CTNNA1: variants seen among roughly 807,000 people sequenced by gnomAD.
CTNNA1 encodes catenin alpha-1.
In CTNNA1, 37 loss-of-function variants were observed where a neutral mutation model predicts 98.4. The observed-to-expected ratio is 0.38, with a 90% confidence interval of 0.29 to 0.49. The LOEUF (loss-of-function observed/expected upper bound fraction) is 0.49. Among genes scored for constraint, CTNNA1 ranks in the 20% least tolerant of loss-of-function variants. CTNNA1 has a pLI of 0.95. For synonymous variants in CTNNA1, 404 were observed against 413.2 expected (o/e 0.98, Z 0.27); for missense variants, 761 against 1,147.2 (o/e 0.66, Z 4.86).
intron 9 of CTNNA1, among the ~76,000 whole-genome samples, chr5:138,903,409 T>G (rs1758519841): frequency 6.6e-6 from 1 of 152,226 alleles, no homozygotes; most frequent in Non-Finnish European, 1.5e-5. Flanking sequence ...CCTACGCCTT[T>G]ATCATTCATA....
chr5:138,798,771 A>G (rs1374816249), intron 3 of CTNNA1, among the ~76,000 whole-genome samples: 1 of 152,162 alleles, frequency 6.6e-6, no homozygotes, highest in Non-Finnish European at 1.5e-5. Flanking sequence ...CAGATGGTAC[A>G]GTAGTATTGA....
chr5:138,779,286 G>A (rs1006705458), intron 1 of CTNNA1, among the ~76,000 whole-genome samples: 1 of 152,120 alleles, frequency 6.6e-6, no homozygotes, highest in Non-Finnish European at 1.5e-5. Flanking sequence ...TAGATTCATG[G>A]TAAAGAAATT....
chr5:138,932,000 G>C lies in CTNNA1; in HGVS notation c.2299-578G>C, dbSNP rs570322136. 4.5e-5 allele frequency: 44 copies of C among 985,534 alleles called. 1 individual carries two copies. In the South Asian group the frequency reaches 1.9e-3, roughly 43 times the overall value. 61.0% of individuals were successfully genotyped at this position (985,534 alleles called of 1,614,324 possible). ...GTGGAGCGAGACAGGAACTGGGCAG[G>C]GGCCACCCTTTTCTCTTTGACCATC... is the stretch of plus-strand genomic sequence containing the variant. On this transcript the variant is annotated intron_variant, in intron 16 of 17. Coordinates refer to ENST00000302763, the MANE Select transcript of CTNNA1 (RefSeq NM_001903.5).
At chr5:138,864,081 G>T (rs1208411582) in intron 7 of CTNNA1, among the ~76,000 whole-genome samples, 1 of 152,136 alleles carries the variant, frequency 6.6e-6, no homozygotes, top group Non-Finnish European at 1.5e-5. Flanking sequence ...TCCCACCTCA[G>T]CCTCCAGAGT....
intron 7 of CTNNA1, among the ~76,000 whole-genome samples, chr5:138,835,482 T>A (rs1761692246): frequency 6.6e-6 from 1 of 152,176 alleles, no homozygotes; most frequent in Non-Finnish European, 1.5e-5. Context: ...TGAAGATTAT[T>A]TTATTGAATT....
intron 7 of CTNNA1, among the ~76,000 whole-genome samples, chr5:138,835,157 G>A (rs940698059): frequency 6.6e-6 from 1 of 152,142 alleles, no homozygotes; most frequent in Non-Finnish European, 1.5e-5. Flanking sequence ...GCAGGAACTG[G>A]CTATTTTCGC....
intron 7 of CTNNA1, among the ~76,000 whole-genome samples, chr5:138,882,091 C>G (rs569688201): frequency 1.3e-5 from 2 of 152,114 alleles, no homozygotes; most frequent in Non-Finnish European, 2.9e-5. Flanking sequence ...TCATTCATGT[C>G]CAATGGGAGA....
intron 13 of CTNNA1, among the ~76,000 whole-genome samples, chr5:138,926,084 G>A (rs1763965833): frequency 6.6e-6 from 1 of 152,166 alleles, no homozygotes; most frequent in South Asian, 2.1e-4. Flanking sequence ...TCAACCTCAC[G>A]GCCATAGCTG....
chr5:138,761,515 G>T (rs1580856305), intron 1 of CTNNA1, among the ~76,000 whole-genome samples: 1 of 152,138 alleles, frequency 6.6e-6, no homozygotes, highest in Non-Finnish European at 1.5e-5. Context: ...GCGGGCTTTA[G>T]CCACTCACCT....
chr5:138,913,488 G>A (rs1352619276), intron 10 of CTNNA1, among the ~76,000 whole-genome samples: 1 of 151,968 alleles, frequency 6.6e-6, no homozygotes, highest in South Asian at 2.1e-4. Flanking sequence ...GGAGGCTGAA[G>A]TGGGAGAATC....
At chr5:138,803,730 A>G (rs894538028) in intron 3 of CTNNA1, among the ~76,000 whole-genome samples, 7 of 152,042 alleles carry the variant, frequency 4.6e-5, no homozygotes, top group African/African-American at 1.4e-4. Context: ...GCCTACCTTG[A>G]TCCCCCTATT....
At position 138,933,973 on chromosome 5, in the gene CTNNA1, T is replaced by C. The variant is rs756274664; in HGVS notation, c.2605T>C (p.Leu869=). ...GATGAAGGCACCAGAGAAAAAGCCA[T>C]TGGTGAAGAGAGAGAAACAGGATGA... ...WKMKAPEKKP[L]VKREKQDETQ... is the part of the protein sequence containing the mutation. The change falls in exon 18 of 18, where the codon TTG becomes CTG. Residue 869 remains leucine, a synonymous_variant. Coordinates refer to ENST00000302763, the MANE Select transcript of CTNNA1 (RefSeq NM_001903.5). 27 of 1,613,998 alleles carry C rather than the reference T, an allele frequency of 1.7e-5. No homozygotes were observed. Among genetic ancestry groups the C allele is most frequent in the Non-Finnish European group, 2.2e-5 (26 of 1,179,986 alleles).
intron 7 of CTNNA1, among the ~76,000 whole-genome samples, chr5:138,855,659 A>G (rs1434056193): frequency 1.3e-5 from 2 of 152,302 alleles, no homozygotes; most frequent in East Asian, 3.9e-4. Flanking sequence ...TGGGTGAGAC[A>G]AGGTCTTTAC....
chr5:138,785,036 G>A (rs1205884857), intron 3 of CTNNA1, among the ~76,000 whole-genome samples: 3 of 151,072 alleles, frequency 2.0e-5, no homozygotes. Context: ...ATTCAACCCA[G>A]TACAGTGAGT....
intron 7 of CTNNA1, among the ~76,000 whole-genome samples, chr5:138,847,438 T>G (rs776327447): frequency 2.0e-5 from 3 of 152,218 alleles, no homozygotes; most frequent in Non-Finnish European, 4.4e-5. Flanking sequence ...GTGCTGAGAT[T>G]AGAGGCATGA....
chr5:138,768,212 T>G (rs2149596939), intron 1 of CTNNA1, among the ~76,000 whole-genome samples: 1 of 152,330 alleles, frequency 6.6e-6, no homozygotes, highest in African/African-American at 2.4e-5. Flanking sequence ...TTTAGGCCAG[T>G]TTTGTAGATG....
chr5:138,831,572 A>G (rs1561572851), intron 7 of CTNNA1, among the ~76,000 whole-genome samples: 2 of 151,908 alleles, frequency 1.3e-5, no homozygotes, highest in Admixed American at 6.6e-5. Context: ...CTTCCTACCT[A>G]TGTAAACCTA....
At chr5:138,849,567 A>G (rs1413476405) in intron 7 of CTNNA1, among the ~76,000 whole-genome samples, 3 of 152,238 alleles carry the variant, frequency 2.0e-5, no homozygotes, top group Admixed American at 2.0e-4. Context: ...GAAAATCTTT[A>G]TAGTTAAGCA....
intron 7 of CTNNA1, among the ~76,000 whole-genome samples, chr5:138,833,243 C>T (rs74709153): frequency 0.023 from 3,482 of 152,276 alleles, 133 homozygotes; most frequent in African/African-American, 0.081. Context: ...AGGTCATGGT[C>T]GTGTTTGACT....
Sources: gnomAD v4.1 joint callset for allele counts (sites outside exome capture counted in the v4.1 genomes callset) on GRCh38, gnomAD v4.1.1 for gene constraint, MANE v1.5 for transcripts, NCBI Gene and HGNC (gene_info 2026-07-23, HGNC 2026-07-21) for gene names.